Variants in MAGI1 observed in about 807,000 individuals in gnomAD.
The protein encoded by MAGI1 is membrane associated guanylate kinase, WW and PDZ domain containing 1, also known as membrane-associated guanylate kinase, WW and PDZ domain-containing protein 1.
A neutral mutation model predicts 139.9 loss-of-function variants in MAGI1; 58 were observed. The observed-to-expected ratio is 0.41, with a 90% CI of 0.34 to 0.52. The LOEUF (loss-of-function observed/expected upper bound fraction) is 0.52. MAGI1 is among the 20% of genes least tolerant of loss of function. The pLI is 0.12. For missense variants in MAGI1, 1,874 were observed against 1,901.6 expected (o/e 0.99, Z 0.27); for synonymous variants, 812 against 737.9 (o/e 1.10, Z -1.63).
chr3:65,708,715 C>T lies in MAGI1; in HGVS notation c.314-86627G>A, dbSNP rs1446942397. ...AAGAAGAAAGAAGAGAGAAAGAAAA[C>T]GGGGGAAGGACAGAGAAAGAACAGA... is the stretch of plus-strand genomic sequence containing the variant. On this transcript the variant is annotated intron_variant, in intron 1 of 22. Transcript: ENST00000402939. 3.3e-5 allele frequency among the ~76,000 whole-genome samples: 5 copies of T among 151,796 alleles called. No homozygotes were observed. The East Asian group carries it at 5.8e-4, about 18-fold the overall frequency.
chr3:65,822,579 G>A (rs1012877405), intron 1 of MAGI1, among the ~76,000 whole-genome samples: 5 of 152,014 alleles, frequency 3.3e-5, no homozygotes, highest in African/African-American at 1.2e-4. Flanking sequence ...CCTGAGGCTG[G>A]GTAATTTATA....
intron 1 of MAGI1, among the ~76,000 whole-genome samples, chr3:65,988,560 A>C (rs1489033665): frequency 6.6e-6 from 1 of 152,228 alleles, no homozygotes; most frequent in Non-Finnish European, 1.5e-5. Context: ...AACACAACAA[A>C]GAACACAATG....
intron 1 of MAGI1, among the ~76,000 whole-genome samples, chr3:65,781,060 G>T (rs1457124628): frequency 6.6e-6 from 1 of 152,142 alleles, no homozygotes; most frequent in Non-Finnish European, 1.5e-5. Context: ...GCCAGGCGTT[G>T]TGGCTCATGC....
At chr3:65,745,754 G>A (rs1292050804) in intron 1 of MAGI1, among the ~76,000 whole-genome samples, 1 of 152,180 alleles carries the variant, frequency 6.6e-6, no homozygotes, top group African/African-American at 2.4e-5. Context: ...CCTTGAGGTA[G>A]AGTCTCGCTC....
chr3:65,590,021 C>T (rs2081894078), intron 2 of MAGI1, among the ~76,000 whole-genome samples: 1 of 152,148 alleles, frequency 6.6e-6, no homozygotes, highest in Non-Finnish European at 1.5e-5. Flanking sequence ...ACACCAGCCT[C>T]TTATGACTTG....
intron 2 of MAGI1, 55 bp downstream of exon 2, chr3:65,621,917 T>TCACACAGACA: frequency 1.0e-6 from 1 of 986,070 alleles, no homozygotes; most frequent in East Asian, 2.6e-5. Flanking sequence ...CCTGGACTTT[T>TCACACAGACA]CACACACACA....
At chr3:65,559,149 T>G (rs969233180) in intron 2 of MAGI1, among the ~76,000 whole-genome samples, 2 of 152,244 alleles carry the variant, frequency 1.3e-5, no homozygotes, top group Non-Finnish European at 2.9e-5. Context: ...AAAACTGACT[T>G]TAGTATCTCT....
At chr3:65,619,251 G>C (rs1295853694) in intron 2 of MAGI1, among the ~76,000 whole-genome samples, 2 of 152,054 alleles carry the variant, frequency 1.3e-5, no homozygotes, top group African/African-American at 4.8e-5. Flanking sequence ...TTCATCTTTT[G>C]GCCAGTAAAA....
intron 2 of MAGI1, among the ~76,000 whole-genome samples, chr3:65,591,787 A>G (rs1348997112): frequency 6.6e-6 from 1 of 152,194 alleles, no homozygotes; most frequent in African/African-American, 2.4e-5. Flanking sequence ...CTTCTGCCAC[A>G]GGGCCTTTGC....
chr3:65,795,955 G>A (rs1176678497), intron 1 of MAGI1, among the ~76,000 whole-genome samples: 1 of 151,520 alleles, frequency 6.6e-6, no homozygotes, highest in Non-Finnish European at 1.5e-5. Context: ...GGAGGCTGAG[G>A]CGCAAGAATT....
chr3:65,798,186 C>T (rs950445934), intron 1 of MAGI1, among the ~76,000 whole-genome samples: 12 of 152,088 alleles, frequency 7.9e-5, no homozygotes, highest in Middle Eastern at 3.4e-3. Flanking sequence ...TGCCTGTAAT[C>T]CCAGCTACTT....
intron 1 of MAGI1, among the ~76,000 whole-genome samples, chr3:65,636,194 C>T (rs563180287): frequency 6.6e-6 from 1 of 152,288 alleles, no homozygotes; most frequent in South Asian, 2.1e-4. Flanking sequence ...AAGTTCTAGA[C>T]TTATTTCATA....
intron 1 of MAGI1, among the ~76,000 whole-genome samples, chr3:65,768,659 T>C (rs569997728): frequency 6.6e-6 from 1 of 152,304 alleles, no homozygotes; most frequent in South Asian, 2.1e-4. Context: ...TTTATTCACA[T>C]CTATTAATAA....
intron 1 of MAGI1, among the ~76,000 whole-genome samples, chr3:65,717,905 T>C (rs1318937758): frequency 6.6e-6 from 1 of 152,194 alleles, no homozygotes; most frequent in African/African-American, 2.4e-5. Flanking sequence ...ATAAACCTAC[T>C]GTAATAGCAG....
At chr3:65,766,541 G>C (rs1354854312) in intron 1 of MAGI1, among the ~76,000 whole-genome samples, 1 of 152,156 alleles carries the variant, frequency 6.6e-6, no homozygotes, top group Non-Finnish European at 1.5e-5. Context: ...TGGGATTACA[G>C]GCATGAGCCA....
intron 1 of MAGI1, among the ~76,000 whole-genome samples, chr3:65,637,557 AAAGAAAG>A (rs1435299341): frequency 1.0e-4 from 1 of 9,764 alleles, no homozygotes; most frequent in Non-Finnish European, 2.4e-4. Context: ...GTCTCCAAAA[AAAGAAAG>A]AAAGAAAGAA....
chr3:65,963,345 T>C (rs182110012), intron 1 of MAGI1, among the ~76,000 whole-genome samples: 2,500 of 139,732 alleles, frequency 0.018, 45 homozygotes, highest in African/African-American at 0.051. Context: ...CGGCCAGGTG[T>C]GGTGGCTCAC....
Position 65,356,069 on chromosome 3 carries a change from G to T in MAGI1, c.*309C>A, listed in dbSNP as rs1038251386. 4.7e-6 allele frequency: 1 copy of T among 211,248 alleles called. No homozygotes were observed. The highest frequency in any genetic ancestry group is 1.2e-4 in the East Asian group (1 of 8,652). 13.1% of individuals were successfully genotyped at this position (211,248 alleles called of 1,614,324 possible). A position where few individuals can be genotyped will look rare whatever the true frequency, so the allele number is the denominator to read the frequency against. ...GGAGAGAAAAAGATTGCCCCAAAAC[G>T]GGAACAATTCTTGACGATTCTACAG... On this transcript the variant is annotated 3_prime_UTR_variant, in exon 23 of 23. Coordinates refer to ENST00000402939, the MANE Select transcript of MAGI1 (RefSeq NM_001033057.2).
At chr3:65,390,011 T>TCA (rs777313393) in intron 14 of MAGI1, among the ~76,000 whole-genome samples, 23 of 152,188 alleles carry the variant, frequency 1.5e-4, no homozygotes, top group Non-Finnish European at 2.1e-4. Flanking sequence ...GATGCTGGCC[T>TCA]CACTGCCCCA....
Sources: gnomAD v4.1 joint callset for allele counts (sites outside exome capture counted in the v4.1 genomes callset) on GRCh38, gnomAD v4.1.1 for gene constraint, MANE v1.5 for transcripts, NCBI Gene and HGNC (gene_info 2026-07-23, HGNC 2026-07-21) for gene names.